TULP4: variants seen among roughly 807,000 people sequenced by gnomAD.
TULP4 encodes the protein tubby-related protein 4.
In TULP4, 16 loss-of-function variants were observed where a neutral mutation model predicts 129.0. The ratio of observed to expected loss-of-function variants is 0.12; its 90% CI spans 0.08 to 0.19. The LOEUF (loss-of-function observed/expected upper bound fraction) is 0.19, where lower values mean the gene tolerates loss of function less well. Ranked by LOEUF, TULP4 falls within the 10% of genes least tolerant of loss-of-function variation. The probability of loss-of-function intolerance (pLI) is 1.00; values close to 1 mark genes in which losing one functional copy is unlikely to be tolerated. For missense variants in TULP4, 1,842 were observed against 2,059.1 expected (o/e 0.89, Z 2.04); for synonymous variants, 998 against 854.0 (o/e 1.17, Z -2.94).
At chr6:158,302,015 GA>G (rs1193759536) in intron 1 of TULP4, among the ~76,000 whole-genome samples, 1 of 152,170 alleles carries the variant, frequency 6.6e-6, no homozygotes, top group Non-Finnish European at 1.5e-5. Context: ...GTGGTCTGTT[GA>G]ATTTTATCCT....
chr6:158,302,244 C>G (rs187899655), intron 1 of TULP4, among the ~76,000 whole-genome samples: 1 of 152,168 alleles, frequency 6.6e-6, no homozygotes, highest in African/African-American at 2.4e-5. Flanking sequence ...CCATTGATAA[C>G]GAGCTGCAGG....
rs1780618425 is a variant in TULP4 at position 158,506,914 on chromosome 6, A to T, written c.*220A>T. 5 of 536,660 alleles carry T rather than the reference A, an allele frequency of 9.3e-6. No homozygotes were observed. Among genetic ancestry groups the T allele is most frequent in the South Asian group, 4.3e-5 (2 of 45,984 alleles). 33.2% of individuals were successfully genotyped at this position (536,660 alleles called of 1,614,324 possible). On this transcript the variant is annotated 3_prime_UTR_variant, in exon 14 of 14. Coordinates refer to ENST00000367097, the MANE Select transcript of TULP4 (RefSeq NM_020245.5). ...TTGTCTGTTCTTCTTTTCTTCTTTCATTTCAGTGGCATTTGGAAGCAAAGA... is the reference window on the plus strand; with the variant it reads ...TTGTCTGTTCTTCTTTTCTTCTTTCTTTTCAGTGGCATTTGGAAGCAAAGA...
At chr6:158,353,356 A>T (rs1363935826) in intron 1 of TULP4, among the ~76,000 whole-genome samples, 2 of 152,168 alleles carry the variant, frequency 1.3e-5, no homozygotes, top group African/African-American at 4.8e-5. Context: ...CTTTAAATAG[A>T]TTGCTTATAT....
chr6:158,264,383 C>T (rs1361524642), intron 1 of TULP4, among the ~76,000 whole-genome samples: 2 of 152,152 alleles, frequency 1.3e-5, no homozygotes, highest in Non-Finnish European at 2.9e-5. Flanking sequence ...GTTGGTTTGT[C>T]ATCTTCATAC....
At chr6:158,349,845 C>G (rs1440153051) in intron 1 of TULP4, among the ~76,000 whole-genome samples, 3 of 136,738 alleles carry the variant, frequency 2.2e-5, no homozygotes, top group African/African-American at 5.6e-5. Context: ...CGGGCAGAGG[C>G]GCTCCTCACC....
intron 1 of TULP4, among the ~76,000 whole-genome samples, chr6:158,266,701 T>C (rs554919557): frequency 6.6e-6 from 1 of 152,306 alleles, no homozygotes; most frequent in African/African-American, 2.4e-5. Context: ...TTAGGTAATA[T>C]AAATAATCTA....
chr6:158,461,147 C>T (rs1282471251), intron 5 of TULP4, among the ~76,000 whole-genome samples: 1 of 152,210 alleles, frequency 6.6e-6, no homozygotes, highest in East Asian at 1.9e-4. Context: ...TGCAGTGGCT[C>T]ACGCCTGTAA....
At chr6:158,384,582 C>T (rs1777398851) in intron 1 of TULP4, among the ~76,000 whole-genome samples, 1 of 152,186 alleles carries the variant, frequency 6.6e-6, no homozygotes. Context: ...GCCACCATGC[C>T]CAGCCAGCAT....
intron 1 of TULP4, among the ~76,000 whole-genome samples, chr6:158,321,968 A>C (rs1271979302): frequency 6.6e-6 from 1 of 152,188 alleles, no homozygotes; most frequent in Non-Finnish European, 1.5e-5. Flanking sequence ...CCCTCCTAGT[A>C]CCATTGTCTG....
chr6:158,479,698 G>C, intron 6 of TULP4, 53 bp from the exon 7 acceptor site: 16 of 1,547,292 alleles, frequency 1.0e-5, no homozygotes, highest in Non-Finnish European at 1.3e-5. Context: ...ATCCCTTTTT[G>C]CTTCCCACAA....
chr6:158,238,718 A>G (rs1777775960), intron 1 of TULP4, among the ~76,000 whole-genome samples: 1 of 97,054 alleles, frequency 1.0e-5, no homozygotes, highest in African/African-American at 3.8e-5. Context: ...GACACAGCAC[A>G]TGTTTCAGAG....
At chr6:158,475,759 G>A (rs1026721019) in intron 6 of TULP4, among the ~76,000 whole-genome samples, 6 of 152,218 alleles carry the variant, frequency 3.9e-5, no homozygotes, top group Admixed American at 3.3e-4. Context: ...CAGGACTAGC[G>A]TTAGTGAACG....
At chr6:158,270,475 A>G (rs1778527564) in intron 1 of TULP4, among the ~76,000 whole-genome samples, 1 of 151,974 alleles carries the variant, frequency 6.6e-6, no homozygotes, top group Non-Finnish European at 1.5e-5. Context: ...TAGGGACTGG[A>G]CTTCGATGAG....
At chr6:158,349,590 A>C (rs2114790868) in intron 1 of TULP4, among the ~76,000 whole-genome samples, 1 of 132,578 alleles carries the variant, frequency 7.5e-6, no homozygotes, top group African/African-American at 2.9e-5. Flanking sequence ...CTCACCTCCC[A>C]GATAGGGTGG....
chr6:158,396,362 A>G lies in TULP4; in HGVS notation c.253-16703A>G, dbSNP rs9688575. Among the ~76,000 whole-genome samples, 1,519 of 152,318 alleles carry G rather than the reference A, an allele frequency of 1.0e-2. 31 individuals are homozygous for G. The highest frequency in any genetic ancestry group is 0.033 in the African/African-American group (1,370 of 41,554). The stretch of plus-strand genomic sequence containing the variant: ...TGCGTAAAAGCAATTCAGTCAGGCA[A>G]TGAAGAAATATTTACACAGAGCTTA... On this transcript the variant is annotated intron_variant, in intron 1 of 13. Coordinates refer to ENST00000367097, the MANE Select transcript of TULP4 (RefSeq NM_020245.5).
At chr6:158,453,868 G>C (rs1006973473) in intron 5 of TULP4, among the ~76,000 whole-genome samples, 1 of 151,140 alleles carries the variant, frequency 6.6e-6, no homozygotes, top group Non-Finnish European at 1.5e-5. Context: ...CAGGAGAATC[G>C]CTTGAACCTG....
At chr6:158,451,510 A>G (rs960262360) in intron 4 of TULP4, among the ~76,000 whole-genome samples, 2 of 152,208 alleles carry the variant, frequency 1.3e-5, no homozygotes, top group African/African-American at 4.8e-5. Flanking sequence ...GACCAAGTCC[A>G]TGGTCCATCA....
intron 3 of TULP4, among the ~76,000 whole-genome samples, chr6:158,442,813 TG>T (rs1404117711): frequency 2.1e-4 from 26 of 122,464 alleles, no homozygotes; most frequent in Non-Finnish European, 3.3e-4. Flanking sequence ...ATTAAATGGT[TG>T]GTTTTTTTTT....
chr6:158,261,594 T>C (rs1400363483), intron 1 of TULP4, among the ~76,000 whole-genome samples: 1 of 152,184 alleles, frequency 6.6e-6, no homozygotes, highest in Non-Finnish European at 1.5e-5. Context: ...ATTTGATTGA[T>C]GGAGAGTCTT....
Sources: gnomAD v4.1 joint callset for allele counts (sites outside exome capture counted in the v4.1 genomes callset) on GRCh38, gnomAD v4.1.1 for gene constraint, MANE v1.5 for transcripts, NCBI Gene and HGNC (gene_info 2026-07-23, HGNC 2026-07-21) for gene names.